The following VPS13D variants were observed in gnomAD, a reference collection of about 807,000 sequenced individuals.
VPS13D encodes the protein vacuolar protein sorting 13 homolog D, also known as intermembrane lipid transfer protein VPS13D.
VPS13D carries 187 observed loss-of-function variants against 461.9 expected under a neutral mutation model. The observed-to-expected ratio is 0.40, with a 90% confidence interval of 0.36 to 0.46. VPS13D has a LOEUF of 0.46. VPS13D is among the 20% of genes least tolerant of loss of function. The pLI is 0.60. For missense variants in VPS13D, 4,711 were observed against 5,364.9 expected, an observed-to-expected ratio of 0.88 and a Z score of 3.81; for synonymous variants, 1,951 against 1,986.3, an observed-to-expected ratio of 0.98 and a Z score of 0.47.
In VPS13D at chr1:12,385,245, T is replaced by A; in HGVS notation, c.11371-15T>A. 1 of 1,606,160 alleles carries A rather than the reference T, an allele frequency of 6.2e-7. No individual in the cohort carries two copies. The highest frequency in any genetic ancestry group is 8.5e-7 in the Non-Finnish European group (1 of 1,173,308). ...AGAGTGAATCATCTTCTTGTGGTGTTTTATTTGACTTCAGATAACAGATTT... is the reference window on the plus strand; with the variant it reads ...AGAGTGAATCATCTTCTTGTGGTGTATTATTTGACTTCAGATAACAGATTT... On this transcript the variant is annotated splice_polypyrimidine_tract_variant and intron_variant, in intron 58 of 69. Coordinates refer to ENST00000620676, the MANE Select transcript of VPS13D (RefSeq NM_015378.4).
intron 60 of VPS13D, among the ~76,000 whole-genome samples, chr1:12,392,049 C>T (rs1056870222): frequency 6.6e-6 from 1 of 151,968 alleles, no homozygotes; most frequent in African/African-American, 2.4e-5. Context: ...TTTGTGGAGA[C>T]AGGGATCTTG....
chr1:12,406,919 C>T (rs780173118), intron 63 of VPS13D, among the ~76,000 whole-genome samples: 31 of 152,116 alleles, frequency 2.0e-4, no homozygotes, highest in Non-Finnish European at 4.3e-4. Flanking sequence ...GAAGAAAACC[C>T]ACATTTTAAT....
At chr1:12,442,410 A>G (rs1296322961) in intron 65 of VPS13D, among the ~76,000 whole-genome samples, 1 of 152,192 alleles carries the variant, frequency 6.6e-6, no homozygotes, top group Non-Finnish European at 1.5e-5. Flanking sequence ...GTGTGGCTGT[A>G]AACGAAGGTG....
intron 38 of VPS13D, among the ~76,000 whole-genome samples, chr1:12,335,020 A>C (rs1476978215): frequency 6.6e-6 from 1 of 152,172 alleles, no homozygotes; most frequent in East Asian, 1.9e-4. Context: ...GGTGTGGTGC[A>C]CTGTAATTGT....
At chr1:12,307,795 A>C (rs1013214490) in intron 26 of VPS13D, among the ~76,000 whole-genome samples, 1 of 152,180 alleles carries the variant, frequency 6.6e-6, no homozygotes, top group Non-Finnish European at 1.5e-5. Context: ...CCCGGCTTAC[A>C]GAAAGAATTT....
At chr1:12,500,094 G>C in intron 68 of VPS13D, 1 of 985,138 alleles carries the variant, frequency 1.0e-6, no homozygotes, top group Non-Finnish European at 1.2e-6. Flanking sequence ...ATTATTTCCC[G>C]ATGGAGTGAA....
chr1:12,478,470 T>G (rs1277695412), intron 67 of VPS13D: 1 of 227,308 alleles, frequency 4.4e-6, no homozygotes, highest in African/African-American at 2.2e-5. Flanking sequence ...GTAATACAGC[T>G]CGAGTCTTGT....
intron 66 of VPS13D, among the ~76,000 whole-genome samples, chr1:12,458,434 G>A (rs1645358312): frequency 6.6e-6 from 1 of 152,078 alleles, no homozygotes; most frequent in South Asian, 2.1e-4. Context: ...TGGGTGCAGT[G>A]GCTCAGGACA....
Position 12,492,499 on chromosome 1 carries a change from A to G in VPS13D, c.12663-5001A>G, listed in dbSNP as rs185049829. ...GCTATGTATTGGACAGTGCTGTCCT[A>G]GACAATACCAAGTGTTGGATATAGA... On this transcript the variant is annotated intron_variant, in intron 67 of 69. Coordinates refer to ENST00000620676, the MANE Select transcript of VPS13D (RefSeq NM_015378.4). 1.7e-3 allele frequency among the ~76,000 whole-genome samples: 253 copies of G among 152,360 alleles called. 4 individuals are homozygous for G. Among genetic ancestry groups the G allele is most frequent in the African/African-American group, 5.9e-3 (245 of 41,588 alleles).
At chr1:12,306,294 T>C (rs1351105996) in intron 26 of VPS13D, among the ~76,000 whole-genome samples, 1 of 152,196 alleles carries the variant, frequency 6.6e-6, no homozygotes, top group Non-Finnish European at 1.5e-5. Context: ...CCCAAGGTTA[T>C]GAGGTAGTAA....
chr1:12,500,021 C>G, intron 68 of VPS13D: 2 of 985,372 alleles, frequency 2.0e-6, no homozygotes, highest in Non-Finnish European at 2.4e-6. Context: ...ACTGTTCTGA[C>G]TAAATGTTTC....
chr1:12,440,564 CTATT>C, intron 65 of VPS13D, among the ~76,000 whole-genome samples: 1 of 152,144 alleles, frequency 6.6e-6, no homozygotes, highest in East Asian at 1.9e-4. Context: ...AAGAGTCAGT[CTATT>C]TATGCAATTT....
rs748640775 is a variant in VPS13D, at chr1:12,510,554, T to TGC, written c.*1542_*1543dup. ...GTGTGTGTGTGTGTGTGTGTGTGTG[T>TGC]GCGCGCGCGCGCGTGCATGCAGAGA... On this transcript the variant is annotated 3_prime_UTR_variant, in exon 70 of 70. Transcript: ENST00000620676. The TGC allele has an allele frequency of 0.015, 2,163 of 147,336 alleles. 51 individuals are homozygous for TGC. The highest frequency in any genetic ancestry group is 0.051 in the African/African-American group (2,015 of 39,418). The allele number at this position is 147,336 out of a possible 1,614,324, so 9.1% of individuals were successfully genotyped here.
intron 66 of VPS13D, among the ~76,000 whole-genome samples, chr1:12,457,567 A>C (rs898737564): frequency 6.6e-6 from 1 of 152,232 alleles, no homozygotes; most frequent in Non-Finnish European, 1.5e-5. Flanking sequence ...TTTGTACCAG[A>C]TCCTTAGGAA....
At chr1:12,356,704 A>G (rs1643888726) in intron 49 of VPS13D, among the ~76,000 whole-genome samples, 180 bp downstream of exon 49, 1 of 152,248 alleles carries the variant, frequency 6.6e-6, no homozygotes, top group Non-Finnish European at 1.5e-5. Context: ...GTTATTTGAT[A>G]CTGAAAATAA....
At chr1:12,262,230 C>A in intron 13 of VPS13D, 150 bp downstream of exon 13, 2 of 869,870 alleles carry the variant, frequency 2.3e-6, no homozygotes, top group Non-Finnish European at 3.4e-6. Flanking sequence ...AGGGGAAATA[C>A]TGGGTTAGGT....
At chr1:12,264,379 C>A (rs1452582451) in intron 13 of VPS13D, among the ~76,000 whole-genome samples, 2 of 152,138 alleles carry the variant, frequency 1.3e-5, no homozygotes, top group African/African-American at 4.8e-5. Context: ...CTGAGATAGG[C>A]CAAAAGCTAG....
intron 30 of VPS13D, among the ~76,000 whole-genome samples, chr1:12,317,757 G>A (rs894815212): frequency 1.3e-5 from 2 of 151,620 alleles, no homozygotes; most frequent in Admixed American, 6.6e-5. Flanking sequence ...AAAAAAAAAA[G>A]AAAAGAAATA....
chr1:12,348,509 T>C (rs1000846472), intron 44 of VPS13D, among the ~76,000 whole-genome samples: 3 of 152,260 alleles, frequency 2.0e-5, no homozygotes, highest in African/African-American at 7.2e-5. Context: ...TAGGTTATTA[T>C]CACAGTCTCA....
Sources: allele counts gnomAD v4.1 joint callset (sites outside exome capture counted in the v4.1 genomes callset), GRCh38; gene constraint gnomAD v4.1.1; transcripts MANE v1.5; gene names NCBI Gene and HGNC (gene_info 2026-07-23, HGNC 2026-07-21).